CPPED1: variants seen among roughly 807,000 people sequenced by gnomAD.
CPPED1 encodes the protein calcineurin like phosphoesterase domain containing 1, also known as serine/threonine-protein phosphatase CPPED1.
Under a neutral mutation model 28.0 loss-of-function variants are expected in CPPED1, and 28 were observed. The ratio of observed to expected loss-of-function variants is 1.00; its 90% CI spans 0.74 to 1.37. The LOEUF (loss-of-function observed/expected upper bound fraction) is 1.37. CPPED1 is among the 40% of genes most tolerant of loss of function. The probability of loss-of-function intolerance (pLI) is 0.00; values close to 1 mark genes in which losing one functional copy is unlikely to be tolerated. For missense variants in CPPED1, 504 were observed against 416.5 expected (o/e 1.21, Z -1.83); for synonymous variants, 198 against 180.2 (o/e 1.10, Z -0.79).
At chr16:12,736,525 C>T (rs1035199182) in intron 2 of CPPED1, among the ~76,000 whole-genome samples, 5 of 152,132 alleles carry the variant, frequency 3.3e-5, no homozygotes, top group African/African-American at 1.2e-4. Context: ...AGGTGTGAGC[C>T]ACCGCACCTG....
chr16:12,725,478 ACTT>A (rs574652941), intron 2 of CPPED1, among the ~76,000 whole-genome samples: 175 of 152,234 alleles, frequency 1.1e-3, no homozygotes, highest in Non-Finnish European at 5.0e-4. Flanking sequence ...TTTTCACACT[ACTT>A]TGGATTCACG....
intron 3 of CPPED1, among the ~76,000 whole-genome samples, chr16:12,674,425 G>T (rs2079867929): frequency 6.6e-6 from 1 of 152,158 alleles, no homozygotes; most frequent in African/African-American, 2.4e-5. Flanking sequence ...AAGAAGCCTG[G>T]TGAGTTTCCA....
chr16:12,740,444 CA>C (rs1237046217), intron 2 of CPPED1, among the ~76,000 whole-genome samples: 7,365 of 100,154 alleles, frequency 0.074, 479 homozygotes, highest in African/African-American at 0.22. Context: ...GACTCTGCCT[CA>C]AAAAAAAAAA....
At chr16:12,758,494 G>A (rs912337124) in intron 2 of CPPED1, among the ~76,000 whole-genome samples, 4 of 152,128 alleles carry the variant, frequency 2.6e-5, no homozygotes, top group African/African-American at 7.2e-5. Flanking sequence ...TACAAGAAAC[G>A]CCATCACTCA....
intron 3 of CPPED1, among the ~76,000 whole-genome samples, chr16:12,688,949 T>C (rs992924077): frequency 1.3e-5 from 2 of 152,238 alleles, no homozygotes; most frequent in East Asian, 3.9e-4. Flanking sequence ...CAGGCATTTG[T>C]TCTACAAATA....
At chr16:12,735,075 C>T (rs1269380831) in intron 2 of CPPED1, among the ~76,000 whole-genome samples, 1 of 152,156 alleles carries the variant, frequency 6.6e-6, no homozygotes, top group Non-Finnish European at 1.5e-5. Context: ...TCACCAGCAG[C>T]AGAGAGCTAG....
In CPPED1 at chr16:12,663,261, A is replaced by C. The variant is rs1267993809; in HGVS notation, c.*1625T>G. On this transcript the variant is annotated 3_prime_UTR_variant, in exon 4 of 4. Transcript: ENST00000381774. The stretch of plus-strand genomic sequence containing the variant: ...TTTTTAGTAGAGATGGAGTTTCACC[A>C]TGTTGGCCAGGCTGTTCTCAAACTC... 6.6e-6 allele frequency: 1 copy of C among 152,168 alleles called. No homozygotes were observed. The highest frequency in any genetic ancestry group is 1.5e-5 in the Non-Finnish European group (1 of 68,116). 9.4% of individuals were successfully genotyped at this position (152,168 alleles called of 1,614,324 possible).
rs1244055108 is a variant in CPPED1 at position 12,662,067 on chromosome 16, C to A, written c.*2819G>T. 3 of 152,210 alleles carry A rather than the reference C, an allele frequency of 2.0e-5. No homozygotes were observed. The highest frequency in any genetic ancestry group is 7.2e-5 in the African/African-American group (3 of 41,444). 9.4% of individuals were successfully genotyped at this position (152,210 alleles called of 1,614,324 possible). A position where few individuals can be genotyped will look rare whatever the true frequency, so the allele number is the denominator to read the frequency against. ...TCTTTCTCCACCAAGATGAGTTAGGCGACCTTGGCCACGTGACCCCCACCT... is the reference window on the plus strand; with the variant it reads ...TCTTTCTCCACCAAGATGAGTTAGGAGACCTTGGCCACGTGACCCCCACCT... On this transcript the variant is annotated 3_prime_UTR_variant, in exon 4 of 4. Coordinates refer to ENST00000381774, the MANE Select transcript of CPPED1 (RefSeq NM_018340.3).
At chr16:12,754,843 TA>T (rs557921824) in intron 2 of CPPED1, among the ~76,000 whole-genome samples, 3 of 150,674 alleles carry the variant, frequency 2.0e-5, no homozygotes, top group Admixed American at 6.6e-5. Flanking sequence ...CTATTAAAAT[TA>T]AAAAAAAAAT....
chr16:12,675,619 C>A (rs1469403), intron 3 of CPPED1, among the ~76,000 whole-genome samples: 133,487 of 152,276 alleles, frequency 0.88, 59,363 homozygotes, highest in African/African-American at 0.93. Context: ...TAAACACTGG[C>A]CTTCTTTAAT....
At chr16:12,712,919 G>C (rs114743122) in intron 2 of CPPED1, among the ~76,000 whole-genome samples, 2,363 of 151,974 alleles carry the variant, frequency 0.016, 60 homozygotes, top group African/African-American at 0.054. Context: ...AAATAATCAA[G>C]ACATTAAAAA....
chr16:12,683,168 C>G (rs2079914634), intron 3 of CPPED1, among the ~76,000 whole-genome samples: 1 of 152,196 alleles, frequency 6.6e-6, no homozygotes, highest in Admixed American at 6.5e-5. Flanking sequence ...ACGTAAGGAC[C>G]TTGGGTAAGT....
chr16:12,665,753 T>C (rs75488258), intron 3 of CPPED1, among the ~76,000 whole-genome samples: 1 of 151,836 alleles, frequency 6.6e-6, no homozygotes, highest in Non-Finnish European at 1.5e-5. Context: ...TATGGTGAAA[T>C]CTCATACTAA....
At chr16:12,736,247 A>AT (rs35834753) in intron 2 of CPPED1, among the ~76,000 whole-genome samples, 4,698 of 142,134 alleles carry the variant, frequency 0.033, 131 homozygotes, top group East Asian at 0.17. Flanking sequence ...ACACCTTTGG[A>AT]TTTTTTTTTT....
rs1182716881 is a variant in CPPED1, at chr16:12,663,329, G to C, written c.*1557C>G. On this transcript the variant is annotated 3_prime_UTR_variant, in exon 4 of 4. Transcript: ENST00000381774. ...GCCCGTCTCAGCCTCCCAAAGTGCT[G>C]GGATTACAGGCGTAAGCCACTGTGC... 3 of 152,240 alleles carry C rather than the reference G, an allele frequency of 2.0e-5. No individual in the cohort carries two copies. The highest frequency in any genetic ancestry group is 4.4e-5 in the Non-Finnish European group (3 of 68,100). 9.4% of individuals were successfully genotyped at this position (152,240 alleles called of 1,614,324 possible).
In CPPED1 at chr16:12,660,365, A is replaced by C. The variant is rs970593366; in HGVS notation, c.*4521T>G. 5 of 152,198 alleles carry C rather than the reference A, an allele frequency of 3.3e-5. No homozygotes were observed. Among genetic ancestry groups the C allele is most frequent in the African/African-American group, 1.2e-4 (5 of 41,458 alleles). 9.4% of individuals were successfully genotyped at this position (152,198 alleles called of 1,614,324 possible). A position where few individuals can be genotyped will look rare whatever the true frequency, so the allele number is the denominator to read the frequency against. Reference sequence around the variant, plus strand: ...TAGATAAAGCCTAAAGGAAAAATCCAATCTGTATTTATGTGCATGCACTGA... The same window carrying C: ...TAGATAAAGCCTAAAGGAAAAATCCCATCTGTATTTATGTGCATGCACTGA... On this transcript the variant is annotated 3_prime_UTR_variant, in exon 4 of 4. Transcript: ENST00000381774.
At chr16:12,783,017 T>C (rs1330851876) in intron 1 of CPPED1, among the ~76,000 whole-genome samples, 1 of 152,202 alleles carries the variant, frequency 6.6e-6, no homozygotes, top group African/African-American at 2.4e-5. Context: ...CTATTGAGTA[T>C]CATACTGGGA....
intron 2 of CPPED1, among the ~76,000 whole-genome samples, chr16:12,707,958 C>T (rs891027191): frequency 3.3e-5 from 5 of 152,250 alleles, no homozygotes; most frequent in African/African-American, 1.2e-4. Context: ...ACCAACCTGG[C>T]CAACATGGTG....
intron 2 of CPPED1, among the ~76,000 whole-genome samples, chr16:12,744,142 G>A (rs2080270788): frequency 6.6e-6 from 1 of 152,094 alleles, no homozygotes; most frequent in Admixed American, 6.5e-5. Context: ...CGGGCGTGGT[G>A]GCAGGTGCCT....
Sources: allele counts gnomAD v4.1 joint callset (sites outside exome capture counted in the v4.1 genomes callset), GRCh38; gene constraint gnomAD v4.1.1; transcripts MANE v1.5; gene names NCBI Gene and HGNC (gene_info 2026-07-23, HGNC 2026-07-21).